Variants in SND1 observed in about 807,000 individuals in gnomAD.
The protein encoded by SND1 is staphylococcal nuclease and tudor domain containing 1.
In SND1, 38 loss-of-function variants were observed where a neutral mutation model predicts 121.7. The ratio of observed to expected loss-of-function variants is 0.31; its 90% CI spans 0.24 to 0.41. The LOEUF (loss-of-function observed/expected upper bound fraction) is 0.41. SND1 is among the 10% of genes least tolerant of loss of function. The pLI is 1.00. For missense variants in SND1, 868 were observed against 1,184.6 expected, an observed-to-expected ratio of 0.73 and a Z score of 3.92; for synonymous variants, 401 against 447.4, an observed-to-expected ratio of 0.90 and a Z score of 1.31.
At chr7:127,949,471 T>G (rs1455648482) in intron 15 of SND1, among the ~76,000 whole-genome samples, 1 of 152,140 alleles carries the variant, frequency 6.6e-6, no homozygotes, top group Admixed American at 6.5e-5. Context: ...GCTTACAGCT[T>G]TAACTATTAA....
At chr7:127,750,912 T>C (rs371686643) in intron 10 of SND1, among the ~76,000 whole-genome samples, 5 of 152,316 alleles carry the variant, frequency 3.3e-5, no homozygotes, top group East Asian at 1.9e-4. Context: ...TTTGGACTAG[T>C]GTAAAATAAA....
At chr7:127,658,766 T>G (rs1305905015) in intron 1 of SND1, among the ~76,000 whole-genome samples, 7 of 152,212 alleles carry the variant, frequency 4.6e-5, no homozygotes. Flanking sequence ...GGCAAATGAT[T>G]TGGTGAAGTC....
chr7:127,882,305 T>C (rs1799806260), intron 12 of SND1, among the ~76,000 whole-genome samples: 1 of 149,028 alleles, frequency 6.7e-6, no homozygotes, highest in Non-Finnish European at 1.5e-5. Flanking sequence ...CAAAGGCATA[T>C]GTGCTCAGAG....
At chr7:127,765,925 A>C (rs899703808) in intron 10 of SND1, among the ~76,000 whole-genome samples, 9 of 152,232 alleles carry the variant, frequency 5.9e-5, no homozygotes, top group Non-Finnish European at 1.3e-4. Context: ...TGAACATGGC[A>C]TCATATGATT....
intron 16 of SND1, among the ~76,000 whole-genome samples, chr7:128,062,906 C>T (rs1478044580): frequency 1.3e-5 from 2 of 152,200 alleles, no homozygotes; most frequent in Non-Finnish European, 2.9e-5. Flanking sequence ...CCAGAGGGCT[C>T]GAGACCAGCA....
chr7:128,039,206 C>G (rs530568284), intron 16 of SND1, among the ~76,000 whole-genome samples: 57 of 152,356 alleles, frequency 3.7e-4, no homozygotes, highest in African/African-American at 1.3e-3. Flanking sequence ...CCACTCATCA[C>G]AGTTATATCA....
chr7:127,838,864 C>T (rs1374767067), intron 11 of SND1, among the ~76,000 whole-genome samples: 2 of 152,210 alleles, frequency 1.3e-5, no homozygotes, highest in Non-Finnish European at 2.9e-5. Flanking sequence ...GTGCCAGACA[C>T]TGCCCTAAGA....
At chr7:128,065,213 C>T (rs147062610) in intron 16 of SND1, among the ~76,000 whole-genome samples, 1 of 152,272 alleles carries the variant, frequency 6.6e-6, no homozygotes, top group Non-Finnish European at 1.5e-5. Flanking sequence ...TGATCTGGAG[C>T]CAAGTTCATT....
chr7:127,893,512 AG>A (rs1271590637), intron 13 of SND1, among the ~76,000 whole-genome samples: 1 of 152,104 alleles, frequency 6.6e-6, no homozygotes, highest in Non-Finnish European at 1.5e-5. Context: ...TTTAATTCTA[AG>A]ATTTGCAATT....
At chr7:127,923,275 T>C (rs1340048693) in intron 14 of SND1, among the ~76,000 whole-genome samples, 1 of 152,236 alleles carries the variant, frequency 6.6e-6, no homozygotes. Context: ...TATTGAAAGA[T>C]AATTGATGGC....
At chr7:128,089,763 C>A in intron 22 of SND1, 71 bp downstream of exon 22, 2 of 1,372,592 alleles carry the variant, frequency 1.5e-6, no homozygotes, top group South Asian at 1.2e-5. Flanking sequence ...GTTCCACAAG[C>A]CAGGAAGGGA....
chr7:127,909,663 C>T (rs1404440836), intron 14 of SND1, among the ~76,000 whole-genome samples: 4 of 152,134 alleles, frequency 2.6e-5, no homozygotes, highest in Non-Finnish European at 4.4e-5. Context: ...AACCCCTGGC[C>T]TCAAGTGATC....
chr7:128,049,791 T>C (rs1450650002), intron 16 of SND1, among the ~76,000 whole-genome samples: 2 of 152,000 alleles, frequency 1.3e-5, no homozygotes, highest in Non-Finnish European at 2.9e-5. Context: ...TTGGCTAGAG[T>C]GTCCCAGCAA....
chr7:127,802,917 T>C (rs1337940041), intron 10 of SND1, among the ~76,000 whole-genome samples: 8 of 152,232 alleles, frequency 5.3e-5, no homozygotes, highest in African/African-American at 1.7e-4. Context: ...TCTTTCAGAA[T>C]GTATCCAGTT....
chr7:127,857,812 A>G lies in SND1; in HGVS notation c.1343+13388A>G, dbSNP rs941452107. The G allele has an allele frequency of 6.2e-6, 5 of 810,314 alleles. No homozygotes were observed. In the East Asian group the frequency reaches 1.2e-4, roughly 20 times the overall value. The allele number at this position is 810,314 out of a possible 1,614,324, so 50.2% of individuals were successfully genotyped here. A position where few individuals can be genotyped will look rare whatever the true frequency, so the allele number is the denominator to read the frequency against. On this transcript the variant is annotated intron_variant, in intron 12 of 23. Transcript: ENST00000354725. ...TTGGACCTCCTCCACAAAGTTCAGG[A>G]AAGAAGGGCCCACCAAACTAGGTCC...
rs1792923997 is a variant in SND1, at chr7:128,045,100, A to G, written c.1780-29402A>G. ...ACGAGCTGATGGGAGAAAAAAGCAA[A>G]AGGAGCTCTTGTAAAGAATTGGAGT... is the stretch of plus-strand genomic sequence containing the variant. On this transcript the variant is annotated intron_variant, in intron 16 of 23. Transcript: ENST00000354725. Among the ~76,000 whole-genome samples, 3 of 152,224 alleles carry G rather than the reference A, an allele frequency of 2.0e-5. No homozygotes were observed. In the South Asian group the frequency reaches 6.2e-4, roughly 32 times the overall value.
chr7:127,693,052 C>T (rs768055807), intron 2 of SND1, among the ~76,000 whole-genome samples: 12 of 152,158 alleles, frequency 7.9e-5, no homozygotes, highest in Non-Finnish European at 1.8e-4. Context: ...TTTAGGAAAG[C>T]TCTATGTTAC....
At chr7:127,988,628 C>G (rs1454210692) in intron 15 of SND1, among the ~76,000 whole-genome samples, 4 of 152,230 alleles carry the variant, frequency 2.6e-5, no homozygotes, top group Non-Finnish European at 5.9e-5. Flanking sequence ...ATCTCTGAAG[C>G]TTCACCAACC....
At chr7:128,020,093 T>C (rs1032513959) in intron 16 of SND1, among the ~76,000 whole-genome samples, 2 of 152,216 alleles carry the variant, frequency 1.3e-5, no homozygotes, top group Admixed American at 6.5e-5. Flanking sequence ...GGGAAGGCCA[T>C]GGAAGCAACA....
Sources: gnomAD v4.1 joint callset for allele counts (sites outside exome capture counted in the v4.1 genomes callset) on GRCh38, gnomAD v4.1.1 for gene constraint, MANE v1.5 for transcripts, NCBI Gene and HGNC (gene_info 2026-07-23, HGNC 2026-07-21) for gene names.